Variants in ABCA6 observed in about 807,000 individuals in gnomAD.
ABCA6 encodes ATP binding cassette subfamily A member 6, also known as ATP-binding cassette sub-family A member 6.
Under a neutral mutation model 191.2 loss-of-function variants are expected in ABCA6, and 164 were observed. The observed-to-expected ratio is 0.86, with a 90% CI of 0.76 to 0.98. The LOEUF is 0.98. Among genes scored for constraint, ABCA6 ranks in the 50% least tolerant of loss-of-function variants. The probability of loss-of-function intolerance (pLI) is 0.00; values close to 1 mark genes in which losing one functional copy is unlikely to be tolerated. For missense variants in ABCA6, 1,958 were observed against 1,894.1 expected (o/e 1.03, Z -0.63); for synonymous variants, 636 against 647.7 (o/e 0.98, Z 0.27).
At chr17:69,119,640 A>G (rs1004184369) in intron 10 of ABCA6, among the ~76,000 whole-genome samples, 1 of 152,064 alleles carries the variant, frequency 6.6e-6, no homozygotes, top group African/African-American at 2.4e-5. Context: ...CCTCGGCCTC[A>G]TGTTTTATGT....
chr17:69,100,774 G>T (rs755990847), intron 22 of ABCA6, 23 bp downstream of exon 22: 7 of 1,590,724 alleles, frequency 4.4e-6, no homozygotes, highest in Non-Finnish European at 6.0e-6. Context: ...TAATTGTTTA[G>T]ACTCAGTAAA....
In ABCA6 at chr17:69,096,357, A is replaced by C. The variant is rs759285698; in HGVS notation, c.3295-4T>G. On this transcript the variant is annotated splice_polypyrimidine_tract_variant and splice_region_variant and intron_variant, in intron 24 of 38. Transcript: ENST00000284425. ...CATAACCAGGAGTAACTATAACCTG[A>C]GCATAAAAGAAATAATAACATAGTC... 2 of 1,384,826 alleles carry C rather than the reference A, an allele frequency of 1.4e-6. No individual in the cohort carries two copies. The highest frequency in any genetic ancestry group is 2.0e-6 in the Non-Finnish European group (2 of 1,023,524). 85.8% of individuals were successfully genotyped at this position (1,384,826 alleles called of 1,614,324 possible). A position where few individuals can be genotyped will look rare whatever the true frequency, so the allele number is the denominator to read the frequency against.
At chr17:69,134,857 G>A (rs1306033510) in intron 4 of ABCA6, 115 bp from the exon 5 acceptor site, 7 of 619,930 alleles carry the variant, frequency 1.1e-5, no homozygotes, top group African/African-American at 2.0e-5. Flanking sequence ...AAACTTTTTT[G>A]GTGGTGGTGT....
At position 69,137,226 on chromosome 17, in the gene ABCA6, T is replaced by C. The variant is rs186409720; in HGVS notation, c.301+70A>G. 3.8e-3 allele frequency: 5,320 copies of C among 1,390,922 alleles called. 17 individuals carry two copies. Among genetic ancestry groups the C allele is most frequent in the Non-Finnish European group, 4.3e-3 (4,326 of 1,009,146 alleles). 86.2% of individuals were successfully genotyped at this position (1,390,922 alleles called of 1,614,324 possible). A position where few individuals can be genotyped will look rare whatever the true frequency, so the allele number is the denominator to read the frequency against. On this transcript the variant is annotated intron_variant, in intron 3 of 38. Transcript: ENST00000284425. ...ATATATGACTTTAACTTCAAATTAATGTGTAGACAACTTATCAACAGTATA... is the reference window on the plus strand; with the variant it reads ...ATATATGACTTTAACTTCAAATTAACGTGTAGACAACTTATCAACAGTATA...
intron 18 of ABCA6, 38 bp downstream of exon 18, chr17:69,107,657 TG>T: frequency 1.5e-6 from 2 of 1,294,496 alleles, no homozygotes; most frequent in Non-Finnish European, 2.2e-6. Flanking sequence ...CATGATCATT[TG>T]GGAATTGGTT....
At chr17:69,122,164 G>C (rs917209742) in intron 10 of ABCA6, among the ~76,000 whole-genome samples, 1 of 152,014 alleles carries the variant, frequency 6.6e-6, no homozygotes, top group Non-Finnish European at 1.5e-5. Flanking sequence ...TGGGTAAAAG[G>C]CTTAAGCTTT....
intron 23 of ABCA6, 49 bp downstream of exon 23, chr17:69,097,871 A>T: frequency 7.6e-7 from 1 of 1,324,374 alleles, no homozygotes; most frequent in Non-Finnish European, 1.0e-6. Flanking sequence ...CATTCAAAAT[A>T]CAGATATTGA....
At chr17:69,091,338 G>A (rs1231245734) in intron 25 of ABCA6, 76 bp from the exon 26 acceptor site, 4 of 1,490,784 alleles carry the variant, frequency 2.7e-6, no homozygotes, top group Non-Finnish European at 3.7e-6. Flanking sequence ...TAAGATGCAG[G>A]TGTTCTCATG....
intron 3 of ABCA6, among the ~76,000 whole-genome samples, chr17:69,136,899 T>C (rs955437068): frequency 6.6e-6 from 1 of 152,206 alleles, no homozygotes; most frequent in African/African-American, 2.4e-5. Flanking sequence ...AGTTATGAAA[T>C]TATTGTTCAA....
intron 36 of ABCA6, 144 bp from the exon 37 acceptor site, chr17:69,081,289 C>G (rs2072628237): frequency 3.7e-6 from 2 of 539,372 alleles, no homozygotes; most frequent in East Asian, 6.1e-5. Flanking sequence ...GAAATCACAG[C>G]ATTGTTTTGA....
chr17:69,094,844 T>G (rs2073009891), intron 25 of ABCA6: 1 of 153,354 alleles, frequency 6.5e-6, no homozygotes, highest in Non-Finnish European at 1.5e-5. Context: ...AAAAGGAAGC[T>G]TGATTCCAGC....
At chr17:69,125,854 C>T (rs1357257804) in intron 8 of ABCA6, among the ~76,000 whole-genome samples, 2 of 152,038 alleles carry the variant, frequency 1.3e-5, no homozygotes, top group Admixed American at 6.6e-5. Flanking sequence ...ATAATAGACA[C>T]AGAAAAACCA....
chr17:69,113,479 A>G (rs754479915), intron 14 of ABCA6, 119 bp from the exon 15 acceptor site: 188 of 1,523,330 alleles, frequency 1.2e-4, no homozygotes, highest in Non-Finnish European at 1.7e-4. Flanking sequence ...TTTCTCCAAT[A>G]TACTTCTATT....
intron 22 of ABCA6, chr17:69,099,666 T>C (rs1409661680): frequency 6.5e-6 from 1 of 154,350 alleles, no homozygotes; most frequent in African/African-American, 2.4e-5. Context: ...CTCTTTCTGC[T>C]ACTCCTCTGG....
chr17:69,088,529 T>C (rs1395470810), intron 27 of ABCA6, among the ~76,000 whole-genome samples: 1 of 152,190 alleles, frequency 6.6e-6, no homozygotes, highest in East Asian at 1.9e-4. Context: ...CTACTCATGA[T>C]ACTCCCACCC....
rs76924725 is a variant in ABCA6, at chr17:69,133,022, G to A, written c.791+619C>T. ...ATCACTTTAAATTGAATGTGGAGTG[G>A]GGGGCAAGATATAAATATCAATATA... On this transcript the variant is annotated intron_variant, in intron 6 of 38. Transcript: ENST00000284425. Among the ~76,000 whole-genome samples the A allele has an allele frequency of 2.3e-4, 35 of 152,248 alleles. No individual in the cohort carries two copies. The East Asian group carries it at 5.0e-3, about 22-fold the overall frequency.
chr17:69,105,165 C>T (rs550565695), intron 20 of ABCA6: 87 of 302,022 alleles, frequency 2.9e-4, no homozygotes, highest in Non-Finnish European at 2.5e-4. Context: ...CAAAATAGAA[C>T]GGGTGTGCCA....
chr17:69,131,569 T>C (rs1302502145), intron 6 of ABCA6, among the ~76,000 whole-genome samples: 2 of 91,848 alleles, frequency 2.2e-5, no homozygotes, highest in East Asian at 5.0e-4. Flanking sequence ...AAAAACTATC[T>C]TGCTAAAAAA....
At position 69,097,937 on chromosome 17, in the gene ABCA6, T is replaced by C; in HGVS notation, c.3103A>G (p.Ser1035Gly). The C allele has an allele frequency of 6.3e-7, 1 of 1,599,234 alleles. No homozygotes were observed. The highest frequency in any genetic ancestry group is 8.5e-7 in the Non-Finnish European group (1 of 1,175,582). Residue 1035 changes from serine (S) to glycine (G), a missense_variant, in exon 23 of 39, where the codon AGC becomes GGC. Coordinates refer to ENST00000284425, the MANE Select transcript of ABCA6 (RefSeq NM_080284.3). ...TTTCTTACCTTGTAATCACTGATGC[T>C]GCCCATGGTGATATAAGGAGAAATG... The part of the protein sequence containing the change: ...CSISPYITMG[S>G]ISDYKKNAKS...
Sources: gnomAD v4.1 joint callset for allele counts (sites outside exome capture counted in the v4.1 genomes callset) on GRCh38, gnomAD v4.1.1 for gene constraint, MANE v1.5 for transcripts, NCBI Gene and HGNC (gene_info 2026-07-23, HGNC 2026-07-21) for gene names.